The following SLC26A7 variants were observed in gnomAD, a reference collection of about 807,000 sequenced individuals.
SLC26A7 encodes anion exchange transporter.
Under a neutral mutation model 82.5 loss-of-function variants are expected in SLC26A7, and 59 were observed. That is an observed-to-expected ratio of 0.72 (90% CI 0.58 to 0.89). The LOEUF (loss-of-function observed/expected upper bound fraction) is 0.89, where lower values mean the gene tolerates loss of function less well. Ranked by LOEUF, SLC26A7 falls within the 40% of genes least tolerant of loss-of-function variation. SLC26A7 has a pLI of 0.00. For missense variants in SLC26A7, 820 were observed against 793.0 expected (o/e 1.03, Z -0.41); for synonymous variants, 271 against 274.3 (o/e 0.99, Z 0.12).
chr8:91,311,808 A>G (rs527922707), intron 4 of SLC26A7, among the ~76,000 whole-genome samples: 28 of 152,290 alleles, frequency 1.8e-4, no homozygotes, highest in African/African-American at 6.3e-4. Flanking sequence ...TAGCAGGGGA[A>G]TAGGAGCAGG....
chr8:91,329,631 T>C (rs1337767211), intron 5 of SLC26A7, among the ~76,000 whole-genome samples: 2 of 152,168 alleles, frequency 1.3e-5, no homozygotes, highest in Non-Finnish European at 2.9e-5. Flanking sequence ...TTTCTACTCT[T>C]TCTTATACAG....
chr8:91,237,739 C>T (rs1279682596), intron 2 of SLC26A7, among the ~76,000 whole-genome samples: 2 of 152,208 alleles, frequency 1.3e-5, no homozygotes, highest in African/African-American at 2.4e-5. Flanking sequence ...ATTTCCTTAT[C>T]ACTCATTCAC....
Position 91,338,218 on chromosome 8 carries a change from T to C in SLC26A7, c.864T>C (p.Gly288=). Residue 288 remains glycine (G), a synonymous_variant, in exon 7 of 19, where the codon GGT becomes GGC. Transcript: ENST00000276609. ...MENTYGLEVV[G]HIPQGIPSPR... is the part of the protein sequence containing the mutation. ...ACACATATGGATTAGAAGTAGTTGGTCATATTCCACAAGGGTAATGTAGTC... is the reference window on the plus strand; with the variant it reads ...ACACATATGGATTAGAAGTAGTTGGCCATATTCCACAAGGGTAATGTAGTC... 1 of 1,605,516 alleles carries C rather than the reference T, an allele frequency of 6.2e-7. No individual in the cohort carries two copies. Among genetic ancestry groups the C allele is most frequent in the Non-Finnish European group, 8.5e-7 (1 of 1,176,786 alleles).
intron 2 of SLC26A7, among the ~76,000 whole-genome samples, chr8:91,237,343 T>A (rs769803302): frequency 6.6e-6 from 1 of 152,240 alleles, no homozygotes; most frequent in African/African-American, 2.4e-5. Context: ...TATCTGAAAT[T>A]CAAATTCAAC....
intron 16 of SLC26A7, among the ~76,000 whole-genome samples, chr8:91,393,045 A>G (rs1808453041): frequency 6.6e-6 from 1 of 152,180 alleles, no homozygotes; most frequent in South Asian, 2.1e-4. Flanking sequence ...TGTACAATGC[A>G]CACTATTAGA....
intron 2 of SLC26A7, among the ~76,000 whole-genome samples, chr8:91,263,262 A>G (rs1381659583): frequency 6.6e-6 from 1 of 152,078 alleles, no homozygotes; most frequent in Admixed American, 6.6e-5. Context: ...ATGATATTGG[A>G]AGGCAGATAT....
intron 2 of SLC26A7, among the ~76,000 whole-genome samples, chr8:91,257,364 T>G (rs1810832995): frequency 6.6e-6 from 1 of 152,128 alleles, no homozygotes; most frequent in Admixed American, 6.5e-5. Context: ...TCCGCTTGGT[T>G]TGATCCCTCT....
intron 2 of SLC26A7, among the ~76,000 whole-genome samples, chr8:91,270,399 T>A (rs940733890): frequency 2.6e-5 from 4 of 152,162 alleles, no homozygotes; most frequent in African/African-American, 9.7e-5. Flanking sequence ...TCATTGGAAC[T>A]TAAACACTGC....
intron 6 of SLC26A7, among the ~76,000 whole-genome samples, chr8:91,335,503 C>G (rs780871618): frequency 2.0e-5 from 3 of 152,048 alleles, no homozygotes; most frequent in Non-Finnish European, 4.4e-5. Context: ...TCTTGAAGTC[C>G]TGTAGATATT....
Position 91,366,649 on chromosome 8 carries a change from T to C in SLC26A7, c.1558T>C (p.Tyr520His), listed in dbSNP as rs2130875573. 3.7e-6 allele frequency: 6 copies of C among 1,613,764 alleles called. No homozygotes were observed. The South Asian group carries it at 6.6e-5, about 18-fold the overall frequency. Residue 520 changes from tyrosine to histidine, a missense_variant, in exon 14 of 19, where the codon TAT becomes CAT. Tyr to His is a moderately conservative substitution (Grantham distance 83). Coordinates refer to ENST00000276609, the MANE Select transcript of SLC26A7 (RefSeq NM_052832.4). ...PLVFLNAKKFYTDLMNMIQKE... is the reference protein window; with the variant it reads ...PLVFLNAKKFHTDLMNMIQKE... Reference sequence around the variant, plus strand: ...TGTTTTCCTGAATGCAAAAAAATTTTATACTGATTTAATGAACATGATCCA... The same window carrying C: ...TGTTTTCCTGAATGCAAAAAAATTTCATACTGATTTAATGAACATGATCCA...
intron 2 of SLC26A7, among the ~76,000 whole-genome samples, chr8:91,261,842 T>A (rs1810974397): frequency 6.6e-6 from 1 of 152,100 alleles, no homozygotes; most frequent in South Asian, 2.1e-4. Context: ...AAGAGGAGTT[T>A]CTTTCTTTCT....
At chr8:91,236,511 G>A (rs902734992) in intron 2 of SLC26A7, among the ~76,000 whole-genome samples, 2 of 151,714 alleles carry the variant, frequency 1.3e-5, no homozygotes, top group African/African-American at 4.8e-5. Context: ...ATAGGTTACA[G>A]AAAATATTAC....
At chr8:91,235,381 C>T (rs1365922089) in intron 2 of SLC26A7, among the ~76,000 whole-genome samples, 1 of 152,140 alleles carries the variant, frequency 6.6e-6, no homozygotes, top group Non-Finnish European at 1.5e-5. Flanking sequence ...ATATTTAGGA[C>T]TGACTTTAAA....
In SLC26A7 at chr8:91,345,254, T is replaced by C. The variant is rs559217207; in HGVS notation, c.1140+1788T>C. 1.2e-3 allele frequency among the ~76,000 whole-genome samples: 190 copies of C among 152,278 alleles called. 1 individual carries two copies. The highest frequency in any genetic ancestry group is 2.9e-3 in the South Asian group (14 of 4,818). On this transcript the variant is annotated intron_variant, in intron 9 of 18. Transcript: ENST00000276609. ...GAGCTATTGTGCCAGCTGGATTCTATAGTACTTTCTTCCTGGTTTCTTACC... is the reference window on the plus strand; with the variant it reads ...GAGCTATTGTGCCAGCTGGATTCTACAGTACTTTCTTCCTGGTTTCTTACC...
intron 2 of SLC26A7, among the ~76,000 whole-genome samples, chr8:91,282,098 T>C (rs1811589702): frequency 6.6e-6 from 1 of 152,148 alleles, no homozygotes; most frequent in Non-Finnish European, 1.5e-5. Flanking sequence ...TTTGGTTATT[T>C]TGAGAACCAA....
intron 15 of SLC26A7, among the ~76,000 whole-genome samples, chr8:91,386,610 A>G (rs189683070): frequency 5.9e-5 from 9 of 152,276 alleles, no homozygotes; most frequent in African/African-American, 1.9e-4. Context: ...TTTTCTTTAT[A>G]TTTAATAAGA....
chr8:91,373,849 G>T (rs1814433006), intron 15 of SLC26A7, among the ~76,000 whole-genome samples: 1 of 151,882 alleles, frequency 6.6e-6, no homozygotes, highest in Non-Finnish European at 1.5e-5. Flanking sequence ...GAATCCATCT[G>T]GTCCTGGACT....
chr8:91,234,948 T>G (rs913637597), intron 2 of SLC26A7, among the ~76,000 whole-genome samples: 16 of 151,344 alleles, frequency 1.1e-4, no homozygotes, highest in African/African-American at 3.6e-4. Context: ...GAGGCAGGGT[T>G]TTCCTCTGTC....
rs1230077431 is a variant in SLC26A7 at position 91,366,646 on chromosome 8, T to A, written c.1555T>A (p.Phe519Ile). 19 of 1,613,548 alleles carry A rather than the reference T, an allele frequency of 1.2e-5. No homozygotes were observed. The highest frequency in any genetic ancestry group is 3.3e-5 in the South Asian group (3 of 91,028). ...GCTTGTTTTCCTGAATGCAAAAAAATTTTATACTGATTTAATGAACATGAT... is the reference window on the plus strand; with the variant it reads ...GCTTGTTTTCCTGAATGCAAAAAAAATTTATACTGATTTAATGAACATGAT... ...NPLVFLNAKK[F>I]YTDLMNMIQK... The change falls in exon 14 of 19, where the codon TTT becomes ATT. Residue 519 changes from phenylalanine to isoleucine, a missense_variant. By Grantham distance (21) the Phe-to-Ile change is conservative. Coordinates refer to ENST00000276609, the MANE Select transcript of SLC26A7 (RefSeq NM_052832.4).
Sources: allele counts gnomAD v4.1 joint callset (sites outside exome capture counted in the v4.1 genomes callset), GRCh38; gene constraint gnomAD v4.1.1; transcripts MANE v1.5; gene names NCBI Gene and HGNC (gene_info 2026-07-23, HGNC 2026-07-21).